ANGPTL4: variants seen among roughly 807,000 people sequenced by gnomAD.
The protein encoded by ANGPTL4 is angiopoietin like 4.
A neutral mutation model predicts 39.2 loss-of-function variants in ANGPTL4; 39 were observed. The observed-to-expected ratio is 1.00, with a 90% CI of 0.77 to 1.30. ANGPTL4 has a LOEUF of 1.30. ANGPTL4 is among the 50% of genes most tolerant of loss of function. The pLI, the probability that ANGPTL4 is intolerant of heterozygous loss-of-function variation, is 0.00. For missense variants in ANGPTL4, 545 were observed against 549.8 expected (o/e 0.99, Z 0.09); for synonymous variants, 233 against 229.5 (o/e 1.02, Z -0.14).
intron 4 of ANGPTL4, among the ~76,000 whole-genome samples, chr19:8,370,316 G>C (rs1400907422): frequency 6.6e-6 from 1 of 152,036 alleles, no homozygotes; most frequent in East Asian, 1.9e-4. Context: ...CAAGGCAGGA[G>C]GGTCACTTCA....
At chr19:8,364,856 C>T (rs893983274) in intron 1 of ANGPTL4, among the ~76,000 whole-genome samples, 60 of 136,032 alleles carry the variant, frequency 4.4e-4, no homozygotes, top group Non-Finnish European at 8.3e-4. Context: ...AGACCCCCGT[C>T]TCTTCTACAC....
In ANGPTL4 at chr19:8,371,272, T is replaced by C. The variant is rs1169660502; in HGVS notation, c.789T>C (p.His263=). The C allele has an allele frequency of 1.2e-6, 2 of 1,613,938 alleles. No individual in the cohort carries two copies. Among genetic ancestry groups the C allele is most frequent in the Non-Finnish European group, 1.7e-6 (2 of 1,179,998 alleles). ...GEFWLGLEKV[H]SITGDRNSRL... The stretch of plus-strand genomic sequence containing the variant: ...TCTGGCTGGGTCTGGAGAAGGTGCA[T>C]AGCATCACGGGGGACCGCAACAGCC... The change falls in exon 6 of 7, where the codon CAT becomes CAC. Residue 263 remains histidine (H), a synonymous_variant. Coordinates refer to ENST00000301455, the MANE Select transcript of ANGPTL4 (RefSeq NM_139314.3). The surrounding 1 kb of genome is among the most constrained non-coding windows in gnomAD (Gnocchi z 5.1).
Position 8,364,475 on chromosome 19 carries a change from G to T in ANGPTL4, c.154G>T (p.Gly52Cys), listed in dbSNP as rs1392941155. ...NVLAHGLLQL[G>C]QGLREHAERT... ...CCTGGCGCACGGACTCCTGCAGCTC[G>T]GCCAGGGGCTGCGCGAACACGCGGA... The change falls in exon 1 of 7, where the codon GGC (glycine) becomes TGC (cysteine). Residue 52 changes from glycine to cysteine, a missense_variant. Transcript: ENST00000301455. 6.4e-7 allele frequency: 1 copy of T among 1,564,134 alleles called. No homozygotes were observed. Among genetic ancestry groups the T allele is most frequent in the Non-Finnish European group, 8.7e-7 (1 of 1,155,890 alleles).
intron 1 of ANGPTL4, among the ~76,000 whole-genome samples, chr19:8,364,928 G>A (rs985511055): frequency 6.6e-6 from 1 of 151,736 alleles, no homozygotes; most frequent in Non-Finnish European, 1.5e-5. Context: ...ATTAAAAAAC[G>A]ACCGGGCGCA....
At chr19:8,364,735 C>A in intron 1 of ANGPTL4, 96 bp downstream of exon 1, 1 of 1,428,606 alleles carries the variant, frequency 7.0e-7, no homozygotes, top group Non-Finnish European at 9.6e-7. Flanking sequence ...GGGTGCGCAA[C>A]TGTGGCTCCC....
chr19:8,369,007 G>T (rs1029201044), intron 3 of ANGPTL4, among the ~76,000 whole-genome samples: 1 of 152,218 alleles, frequency 6.6e-6, no homozygotes, highest in Non-Finnish European at 1.5e-5. Flanking sequence ...GGGCACGGGG[G>T]CTGGTCCTCC....
At position 8,364,526 on chromosome 19, in the gene ANGPTL4, CTGGAGCGGCGCCTGAGCGCGT is replaced by C. The variant is rs1360114615; in HGVS notation, c.206_226del (p.Leu69_Cys76delinsArg). ...GCGCACCCGCAGTCAGCTGAGCGCG[CTGGAGCGGCGCCTGAGCGCGT>C]GCGGGTCCGCCTGTCAGGGAACCGA... On this transcript the variant is annotated inframe_deletion, in exon 1 of 7. Transcript: ENST00000301455. 16 of 1,568,190 alleles carry C rather than the reference CTGGAGCGGCGCCTGAGCGCGT, an allele frequency of 1.0e-5. No homozygotes were observed. The East Asian group carries it at 3.5e-4, about 35-fold the overall frequency.
chr19:8,364,860 TCTAC>T (rs1236042945), intron 1 of ANGPTL4, among the ~76,000 whole-genome samples: 2 of 126,384 alleles, frequency 1.6e-5, no homozygotes, highest in African/African-American at 5.4e-5. Flanking sequence ...CCCCGTCTCT[TCTAC>T]ACACACACAC....
At chr19:8,373,570 C>CAA (rs372784090) in intron 6 of ANGPTL4, 135 bp from the exon 7 acceptor site, 595 of 952,562 alleles carry the variant, frequency 6.2e-4, no homozygotes, top group Non-Finnish European at 7.3e-4. Context: ...GACTCAATCT[C>CAA]AAAAAAAAAA....
chr19:8,369,454 T>C, intron 4 of ANGPTL4, 122 bp downstream of exon 4: 2 of 492,928 alleles, frequency 4.1e-6, no homozygotes, highest in South Asian at 4.6e-5. Flanking sequence ...CCCAAGCTGG[T>C]CTTTTTTTTT....
In ANGPTL4 at chr19:8,364,525, G is replaced by A. The variant is rs1162675701; in HGVS notation, c.204G>A (p.Ala68=). The A allele has an allele frequency of 6.4e-7, 1 of 1,567,572 alleles. No individual in the cohort carries two copies. Among genetic ancestry groups the A allele is most frequent in the Admixed American group, 1.9e-5 (1 of 53,244 alleles). The change falls in exon 1 of 7, where the codon GCG becomes GCA. Residue 68 remains alanine, a synonymous_variant. Transcript: ENST00000301455. ...AGCGCACCCGCAGTCAGCTGAGCGC[G>A]CTGGAGCGGCGCCTGAGCGCGTGCG... ...HAERTRSQLS[A]LERRLSACGS...
chr19:8,364,184 A>C lies in ANGPTL4; in HGVS notation c.-138A>C, dbSNP rs1457366335. On this transcript the variant is annotated 5_prime_UTR_variant, in exon 1 of 7. Coordinates refer to ENST00000301455, the MANE Select transcript of ANGPTL4 (RefSeq NM_139314.3). ...GCCGAGCTGAGCGGATCCTCACACG[A>C]CTGTGATCCGATTCTTTCCAGCGGC... is the stretch of plus-strand genomic sequence containing the variant. The C allele has an allele frequency of 9.7e-6, 9 of 926,140 alleles. No homozygotes were observed. The highest frequency in any genetic ancestry group is 1.4e-5 in the Non-Finnish European group (9 of 626,508). 57.4% of individuals were successfully genotyped at this position (926,140 alleles called of 1,614,324 possible). A position where few individuals can be genotyped will look rare whatever the true frequency, so the allele number is the denominator to read the frequency against.
chr19:8,365,630 G>A (rs1970986894), intron 1 of ANGPTL4, among the ~76,000 whole-genome samples: 1 of 152,084 alleles, frequency 6.6e-6, no homozygotes, highest in South Asian at 2.1e-4. Context: ...ACTCCAACCT[G>A]GGTGACAGAG....
In ANGPTL4 at chr19:8,366,091, G is replaced by T. The variant is rs1183167623; in HGVS notation, c.429+27G>T. 3.7e-6 allele frequency: 6 copies of T among 1,611,704 alleles called. No individual in the cohort carries two copies. The South Asian group carries it at 5.5e-5, about 15-fold the overall frequency. ...TAACCCTAGGATCAAGGGAGAAAAG[G>T]TCCCTCTGATAGCTGGACCCCAGGT... On this transcript the variant is annotated intron_variant, in intron 2 of 6. Transcript: ENST00000301455.
chr19:8,369,708 C>T (rs1480193103), intron 4 of ANGPTL4, among the ~76,000 whole-genome samples: 2 of 151,786 alleles, frequency 1.3e-5, no homozygotes, highest in Non-Finnish European at 2.9e-5. Flanking sequence ...CCGACTTTGG[C>T]CTCCCAAAAT....
At position 8,371,648 on chromosome 19, in the gene ANGPTL4, T is replaced by G; in HGVS notation, c.1039+126T>G. 7.2e-7 allele frequency: 1 copy of G among 1,385,456 alleles called. No homozygotes were observed. Among genetic ancestry groups the G allele is most frequent in the East Asian group, 2.5e-5 (1 of 40,096 alleles). The allele number at this position is 1,385,456 out of a possible 1,614,324, so 85.8% of individuals were successfully genotyped here. A position where few individuals can be genotyped will look rare whatever the true frequency, so the allele number is the denominator to read the frequency against. On this transcript the variant is annotated intron_variant, in intron 6 of 6. Coordinates refer to ENST00000301455, the MANE Select transcript of ANGPTL4 (RefSeq NM_139314.3). This position sits in a 1 kb window ranked among gnomAD's most constrained non-coding sequence, Gnocchi z 5.1. ...CCCCACCTCTTCCTTACATGCCGTG[T>G]GTGTGATTGGGCCACTAACTTAGCC...
At position 8,364,415 on chromosome 19, in the gene ANGPTL4, TCGCCG is replaced by T. The variant is rs1283942970; in HGVS notation, c.98_102del (p.Pro33LeufsTer60). The T allele has an allele frequency of 6.5e-7, 1 of 1,548,148 alleles. No homozygotes were observed. The highest frequency in any genetic ancestry group is 8.7e-7 in the Non-Finnish European group (1 of 1,149,618). ...TCAGGGCGGACCCGTGCAGTCCAAG[TCGCCG>T]CGCTTTGCGTCCTGGGACGAGATGA... On this transcript the variant is annotated frameshift_variant, in exon 1 of 7. Transcript: ENST00000301455. LOFTEE classifies it high-confidence loss of function.
chr19:8,366,254 GAAGA>G lies in ANGPTL4; in HGVS notation c.487_490del (p.Lys163GlyfsTer51). 6.2e-7 allele frequency: 1 copy of G among 1,614,090 alleles called. No homozygotes were observed. The highest frequency in any genetic ancestry group is 8.5e-7 in the Non-Finnish European group (1 of 1,180,026). On this transcript the variant is annotated frameshift_variant, in exon 3 of 7. Coordinates refer to ENST00000301455, the MANE Select transcript of ANGPTL4 (RefSeq NM_139314.3). LOFTEE classifies it high-confidence loss of function. ...GACCATGAGGTGGCCAAGCCTGCCC[GAAGA>G]AAGAGGCTGCCCGAGATGGCCCAGC...
chr19:8,365,729 G>A (rs1329257191), intron 1 of ANGPTL4, among the ~76,000 whole-genome samples: 1 of 150,354 alleles, frequency 6.7e-6, no homozygotes, highest in African/African-American at 2.5e-5. Flanking sequence ...AAAACAGGAG[G>A]ATCGCCTGAC....
Sources: gnomAD v4.1 joint callset for allele counts (sites outside exome capture counted in the v4.1 genomes callset) on GRCh38, gnomAD v4.1.1 for gene constraint, Gnocchi (gnomAD v3.1) non-coding constraint, MANE v1.5 for transcripts, NCBI Gene and HGNC (gene_info 2026-07-23, HGNC 2026-07-21) for gene names.